The following PCDH15 variants were observed in gnomAD, a reference collection of about 807,000 sequenced individuals.
PCDH15 encodes the protein protocadherin related 15.
Under a neutral mutation model 178.5 loss-of-function variants are expected in PCDH15, and 129 were observed. The ratio of observed to expected loss-of-function variants is 0.72; its 90% CI spans 0.63 to 0.84. The LOEUF is 0.84. PCDH15 is among the 40% of genes least tolerant of loss of function. The pLI, the probability that PCDH15 is intolerant of heterozygous loss-of-function variation, is 0.00. For missense variants in PCDH15, 2,230 were observed against 2,099.9 expected (o/e 1.06, Z -1.21); for synonymous variants, 800 against 732.0 (o/e 1.09, Z -1.50).
At chr10:55,137,324 G>A (rs1838220742) in intron 2 of PCDH15, among the ~76,000 whole-genome samples, 1 of 152,020 alleles carries the variant, frequency 6.6e-6, no homozygotes, top group African/African-American at 2.4e-5. Context: ...TTACCATTGT[G>A]TTACAATTAC....
chr10:55,464,224 T>C (rs781293117), intron 2 of PCDH15, among the ~76,000 whole-genome samples: 7 of 152,068 alleles, frequency 4.6e-5, no homozygotes, highest in Non-Finnish European at 8.8e-5. Context: ...ACTCAAAACG[T>C]CAGAACAATG....
At chr10:54,041,530 CTAAG>C (rs2093544979) in intron 18 of PCDH15, among the ~76,000 whole-genome samples, 1 of 151,874 alleles carries the variant, frequency 6.6e-6, no homozygotes, top group Non-Finnish European at 1.5e-5. Flanking sequence ...AGTGATAAAC[CTAAG>C]TAATAAAGTA....
intron 18 of PCDH15, among the ~76,000 whole-genome samples, chr10:54,032,594 T>G (rs544918637): frequency 5.6e-4 from 85 of 152,212 alleles, no homozygotes; most frequent in African/African-American, 1.8e-3. Context: ...AAAGAAGGTA[T>G]GTTTTCTGTT....
rs142098415 is a variant in PCDH15 at position 55,040,192 on chromosome 10, C to T, written c.-80+126384G>A. On this transcript the variant is annotated intron_variant, in intron 2 of 5. Coordinates refer to the PCDH15 transcript ENST00000458638. ...AAAATCATGTGCTCTTGTGGTTGTG[C>T]TCTTAAAAGCCAATAAGTAGGCGAT... Among the ~76,000 whole-genome samples, 902 of 152,106 alleles carry T rather than the reference C, an allele frequency of 5.9e-3. 4 individuals are homozygous for T. The highest frequency in any genetic ancestry group is 8.1e-3 in the Non-Finnish European group (551 of 67,986).
At chr10:53,822,358 GAGGAAGAGGGATAGA>G in intron 32 of PCDH15, 1 of 1,579,444 alleles carries the variant, frequency 6.3e-7, no homozygotes, top group Non-Finnish European at 8.6e-7. Context: ...GGAGGAGGAA[GAGGAAGAGGGATAGA>G]AGGAGGAGAG....
At chr10:54,320,413 A>G (rs2061524614) in intron 7 of PCDH15, among the ~76,000 whole-genome samples, 1 of 151,992 alleles carries the variant, frequency 6.6e-6, no homozygotes, top group Non-Finnish European at 1.5e-5. Flanking sequence ...ATGCACTCCC[A>G]TATGTATATC....
At chr10:54,392,338 C>T (rs561160248) in intron 3 of PCDH15, among the ~76,000 whole-genome samples, 118 of 150,724 alleles carry the variant, frequency 7.8e-4, no homozygotes, top group Non-Finnish European at 1.5e-3. Flanking sequence ...TGGTGGTGGG[C>T]GCCTGTGATC....
At chr10:53,825,215 C>T in intron 32 of PCDH15, 1 of 1,474,640 alleles carries the variant, frequency 6.8e-7, no homozygotes, top group Non-Finnish European at 9.0e-7. Flanking sequence ...TAATTTAAAA[C>T]AATTCTGAAA....
At chr10:55,181,438 C>T (rs1238229341) in intron 1 of PCDH15, among the ~76,000 whole-genome samples, 1 of 151,914 alleles carries the variant, frequency 6.6e-6, no homozygotes, top group African/African-American at 2.4e-5. Context: ...TACATTGGGT[C>T]TAAGTTTTCC....
intron 2 of PCDH15, among the ~76,000 whole-genome samples, chr10:55,077,330 T>G (rs1464785885): frequency 6.6e-6 from 1 of 152,140 alleles, no homozygotes; most frequent in Non-Finnish European, 1.5e-5. Flanking sequence ...CTGGTTGTTT[T>G]GCATGTGTAT....
At chr10:55,538,213 T>G (rs1013764522) in intron 2 of PCDH15, among the ~76,000 whole-genome samples, 7 of 152,208 alleles carry the variant, frequency 4.6e-5, no homozygotes, top group Admixed American at 1.3e-4. Context: ...TAAGTCACAA[T>G]GCGTTTATCA....
intron 2 of PCDH15, among the ~76,000 whole-genome samples, chr10:54,646,393 T>C (rs937345526): frequency 6.6e-6 from 1 of 152,084 alleles, no homozygotes; most frequent in African/African-American, 2.4e-5. Flanking sequence ...CCAAGGATAT[T>C]GAGGGACAAC....
chr10:54,631,985 A>AT (rs1167337189), intron 2 of PCDH15, among the ~76,000 whole-genome samples: 1 of 152,090 alleles, frequency 6.6e-6, no homozygotes, highest in African/African-American at 2.4e-5. Flanking sequence ...TCAAAATGAG[A>AT]TTTTGGATGG....
At position 55,030,551 on chromosome 10, in the gene PCDH15, A is replaced by C. The variant is rs560692503; in HGVS notation, c.-79-133051T>G. Among the ~76,000 whole-genome samples, 85 of 152,330 alleles carry C rather than the reference A, an allele frequency of 5.6e-4. No individual in the cohort carries two copies. In the Middle Eastern group the frequency reaches 0.01, roughly 18 times the overall value. On this transcript the variant is annotated intron_variant, in intron 2 of 5. Transcript: ENST00000458638. The stretch of plus-strand genomic sequence containing the variant: ...ACTAGGAAAGACAGAAAAACAATTA[A>C]ATACAACAAAATCTTTTTGGAAAAG...
chr10:53,944,580 A>G (rs2086368570), intron 23 of PCDH15, among the ~76,000 whole-genome samples: 1 of 152,216 alleles, frequency 6.6e-6, no homozygotes, highest in African/African-American at 2.4e-5. Flanking sequence ...TTTATAACAA[A>G]TAATTGTGAG....
chr10:53,992,292 GAC>G (rs1320232369), intron 21 of PCDH15, among the ~76,000 whole-genome samples: 2 of 152,092 alleles, frequency 1.3e-5, no homozygotes, highest in Non-Finnish European at 2.9e-5. Context: ...ACAAACTCTG[GAC>G]ACACCATCTT....
chr10:54,559,850 TAAAAAAAAAAAAA>T (rs80250003), intron 2 of PCDH15, among the ~76,000 whole-genome samples: 9 of 73,102 alleles, frequency 1.2e-4, no homozygotes, highest in Admixed American at 3.3e-4. Context: ...TGTCTTATAG[TAAAAAAAAAAAAA>T]AAAAAAAAAA....
chr10:53,827,305 T>A, intron 32 of PCDH15, 88 bp downstream of exon 32: 1 of 1,471,394 alleles, frequency 6.8e-7, no homozygotes, highest in South Asian at 1.5e-5. Context: ...CATGTAGGCA[T>A]TTCCACATCA....
chr10:55,231,554 A>G (rs1417242885), intron 1 of PCDH15, among the ~76,000 whole-genome samples: 1 of 152,088 alleles, frequency 6.6e-6, no homozygotes, highest in Non-Finnish European at 1.5e-5. Context: ...TATTCCAATG[A>G]AATGAGAAAT....
Sources: allele counts gnomAD v4.1 joint callset (sites outside exome capture counted in the v4.1 genomes callset), GRCh38; gene constraint gnomAD v4.1.1; transcripts MANE v1.5; gene names NCBI Gene and HGNC (gene_info 2026-07-23, HGNC 2026-07-21).